The following TARS3 variants were observed in gnomAD, a reference collection of about 807,000 sequenced individuals.
TARS3 encodes threonyl-tRNA synthetase 3, also known as threonine--tRNA ligase 2, cytoplasmic.
TARS3 carries 94 observed loss-of-function variants against 103.5 expected under a neutral mutation model. That is an observed-to-expected ratio of 0.91 (90% CI 0.77 to 1.08). The LOEUF (loss-of-function observed/expected upper bound fraction) is 1.08, where lower values mean the gene tolerates loss of function less well. TARS3 is among the 50% of genes least tolerant of loss of function. TARS3 has a pLI of 0.00. For missense variants in TARS3, 952 were observed against 995.2 expected (o/e 0.96, Z 0.58); for synonymous variants, 416 against 355.4 (o/e 1.17, Z -1.92).
intron 15 of TARS3, among the ~76,000 whole-genome samples, chr15:101,666,623 A>C (rs1897591659): frequency 6.6e-6 from 1 of 152,122 alleles, no homozygotes; most frequent in Non-Finnish European, 1.5e-5. Context: ...AGAATTGTAC[A>C]AGCAAAGAAG....
In TARS3 at chr15:101,677,850, T is replaced by C. The variant is rs1039343627; in HGVS notation, c.1651-2113A>G. 3.9e-5 allele frequency among the ~76,000 whole-genome samples: 6 copies of C among 152,102 alleles called. No homozygotes were observed. In the East Asian group the frequency reaches 5.8e-4, roughly 15 times the overall value. Reference sequence around the variant, plus strand: ...TTTCTCCATGTTAGTCAGTCTGGTCTCGAACTCCCAACCTCAGGTGATCCA... The same window carrying C: ...TTTCTCCATGTTAGTCAGTCTGGTCCCGAACTCCCAACCTCAGGTGATCCA... On this transcript the variant is annotated intron_variant, in intron 12 of 18. Coordinates refer to ENST00000335968, the MANE Select transcript of TARS3 (RefSeq NM_152334.3).
rs145373587 is a variant in TARS3 at position 101,701,039 on chromosome 15, T to C, written c.1320+47A>G. On this transcript the variant is annotated intron_variant, in intron 10 of 18. Transcript: ENST00000335968. ...TTATTATGAGAGAAAATAGTAAAAA[T>C]GTAAACTGGAATTGAATAAGAATAA... is the stretch of plus-strand genomic sequence containing the variant. 6.2e-4 allele frequency: 774 copies of C among 1,256,328 alleles called. 4 individuals carry two copies. The African/African-American group carries it at 9.5e-3, about 15-fold the overall frequency. 77.8% of individuals were successfully genotyped at this position (1,256,328 alleles called of 1,614,324 possible).
At chr15:101,705,659 C>A in intron 7 of TARS3, 24 bp downstream of exon 7, 1 of 1,601,316 alleles carries the variant, frequency 6.2e-7, no homozygotes, top group Non-Finnish European at 8.5e-7. Flanking sequence ...CACTGAGCAG[C>A]GTTTACCATG....
At chr15:101,698,601 CTATTGCA>C (rs1304089962) in intron 10 of TARS3, among the ~76,000 whole-genome samples, 1 of 152,146 alleles carries the variant, frequency 6.6e-6, no homozygotes, top group Non-Finnish European at 1.5e-5. Context: ...GTAAGACTAT[CTATTGCA>C]TTATTCCTCA....
rs867182851 is a variant in TARS3 at position 101,691,270 on chromosome 15, G to A, written c.1321-5208C>T. ...TATCAGTCTTAGAACTATTACCTCA[G>A]TATTTATATATATATATATATATTT... is the stretch of plus-strand genomic sequence containing the variant. On this transcript the variant is annotated intron_variant, in intron 10 of 18. Coordinates refer to ENST00000335968, the MANE Select transcript of TARS3 (RefSeq NM_152334.3). Among the ~76,000 whole-genome samples, 8 of 111,172 alleles carry A rather than the reference G, an allele frequency of 7.2e-5. No individual in the cohort carries two copies. In the South Asian group the frequency reaches 1.9e-3, roughly 27 times the overall value. 72.9% of individuals were successfully genotyped at this position (111,172 alleles called of 152,430 possible). A position where few individuals can be genotyped will look rare whatever the true frequency, so the allele number is the denominator to read the frequency against.
intron 15 of TARS3, among the ~76,000 whole-genome samples, chr15:101,670,447 T>C (rs1897751206): frequency 1.3e-5 from 2 of 152,070 alleles, no homozygotes; most frequent in South Asian, 2.1e-4. Flanking sequence ...CTAAAAAACA[T>C]GTAAAATCAA....
At chr15:101,700,285 C>T (rs974992353) in intron 10 of TARS3, among the ~76,000 whole-genome samples, 2 of 152,154 alleles carry the variant, frequency 1.3e-5, no homozygotes, top group African/African-American at 4.8e-5. Context: ...AAAGACTTTC[C>T]CACCTATGAA....
In TARS3 at chr15:101,690,458, C is replaced by G. The variant is rs145217857; in HGVS notation, c.1321-4396G>C. On this transcript the variant is annotated intron_variant, in intron 10 of 18. Coordinates refer to ENST00000335968, the MANE Select transcript of TARS3 (RefSeq NM_152334.3). ...GCCCTGAGATAATGCTAATGGCCTG[C>G]TGTTCCTGTATTTCAACCCTCTCCT... is the stretch of plus-strand genomic sequence containing the variant. 3.8e-3 allele frequency among the ~76,000 whole-genome samples: 576 copies of G among 152,324 alleles called. 5 individuals carry two copies. Among genetic ancestry groups the G allele is most frequent in the African/African-American group, 0.013 (537 of 41,562 alleles).
chr15:101,710,084 C>A (rs191114415), intron 5 of TARS3, among the ~76,000 whole-genome samples: 4 of 152,304 alleles, frequency 2.6e-5, no homozygotes, highest in Non-Finnish European at 4.4e-5. Context: ...TGGGTTATCA[C>A]CAAAGGTCAA....
intron 12 of TARS3, among the ~76,000 whole-genome samples, chr15:101,677,921 C>T (rs1030510372): frequency 2.0e-5 from 3 of 152,138 alleles, no homozygotes; most frequent in Non-Finnish European, 2.9e-5. Context: ...TGTGTGCTAC[C>T]ATGCCTGGCC....
chr15:101,692,247 G>A (rs973422743), intron 10 of TARS3, among the ~76,000 whole-genome samples: 1 of 152,164 alleles, frequency 6.6e-6, no homozygotes, highest in African/African-American at 2.4e-5. Context: ...TACAGCTTCT[G>A]TTGTGTGGCC....
At position 101,703,862 on chromosome 15, in the gene TARS3, A is replaced by G. The variant is rs139841837; in HGVS notation, c.1071T>C (p.Phe357=). The part of the protein sequence containing the change: ...HTGKIKTIKI[F]KNSSTYWEGN... ...TTAAAAAAAAATCAATCCTTACCTT[A>G]AAAATTTTGATGGTTTTAATTTTTC... The change falls in exon 8 of 19, where the codon TTT becomes TTC. Residue 357 remains phenylalanine (F), a synonymous_variant. Coordinates refer to ENST00000335968, the MANE Select transcript of TARS3 (RefSeq NM_152334.3). The G allele has an allele frequency of 6.2e-7, 1 of 1,609,958 alleles. No homozygotes were observed. The highest frequency in any genetic ancestry group is 1.3e-5 in the African/African-American group (1 of 74,830).
intron 12 of TARS3, among the ~76,000 whole-genome samples, chr15:101,676,814 T>C (rs1239976712): frequency 1.3e-5 from 2 of 151,924 alleles, no homozygotes; most frequent in Non-Finnish European, 2.9e-5. Flanking sequence ...TTTTTTTTTT[T>C]TTTTAAGTTC....
intron 12 of TARS3, 88 bp from the exon 13 acceptor site, chr15:101,675,825 A>G: frequency 7.1e-7 from 1 of 1,414,370 alleles, no homozygotes; most frequent in Non-Finnish European, 9.6e-7. Flanking sequence ...AGACAGAAAT[A>G]AAGCATGTTT....
intron 9 of TARS3, among the ~76,000 whole-genome samples, chr15:101,701,511 T>G (rs952397980): frequency 6.6e-6 from 1 of 152,238 alleles, no homozygotes; most frequent in African/African-American, 2.4e-5. Flanking sequence ...CTTTAGGTGA[T>G]GATGATCATC....
chr15:101,698,864 G>A (rs562583066), intron 10 of TARS3, among the ~76,000 whole-genome samples: 10 of 152,310 alleles, frequency 6.6e-5, no homozygotes, highest in African/African-American at 2.2e-4. Flanking sequence ...TGGAAGAGTA[G>A]AATGGACTTC....
Position 101,713,294 on chromosome 15 carries a change from T to C in TARS3, c.691-1293A>G, listed in dbSNP as rs116788725. On this transcript the variant is annotated intron_variant, in intron 4 of 18. Coordinates refer to ENST00000335968, the MANE Select transcript of TARS3 (RefSeq NM_152334.3). The stretch of plus-strand genomic sequence containing the variant: ...AACACGTAGGGGATGTGACAAAGCA[T>C]AGCTTGAGAAAGGTTAGAGAGGTAA... 2.4e-3 allele frequency among the ~76,000 whole-genome samples: 367 copies of C among 152,200 alleles called. 2 individuals are homozygous for C. The highest frequency in any genetic ancestry group is 8.6e-3 in the African/African-American group (357 of 41,506).
intron 12 of TARS3, among the ~76,000 whole-genome samples, chr15:101,679,124 G>C (rs1898151071): frequency 6.6e-6 from 1 of 152,042 alleles, no homozygotes; most frequent in South Asian, 2.1e-4. Context: ...TCTTGGTGTA[G>C]GTTTCTTGGA....
chr15:101,721,569 A>G (rs958218260), intron 2 of TARS3, among the ~76,000 whole-genome samples: 18 of 152,188 alleles, frequency 1.2e-4, no homozygotes, highest in Non-Finnish European at 4.4e-5. Context: ...AAATCAGCTC[A>G]CTGCAGCCTC....
Sources: gnomAD v4.1 joint callset for allele counts (sites outside exome capture counted in the v4.1 genomes callset) on GRCh38, gnomAD v4.1.1 for gene constraint, MANE v1.5 for transcripts, NCBI Gene and HGNC (gene_info 2026-07-23, HGNC 2026-07-21) for gene names.